RPS6KC1: variants seen among roughly 807,000 people sequenced by gnomAD.
RPS6KC1 encodes the protein ribosomal protein S6 kinase C1.
Under a neutral mutation model 103.8 loss-of-function variants are expected in RPS6KC1, and 54 were observed. The ratio of observed to expected loss-of-function variants is 0.52; its 90% CI spans 0.42 to 0.65. The LOEUF is 0.65. Ranked by LOEUF, RPS6KC1 falls within the 30% of genes least tolerant of loss-of-function variation. The pLI is 0.00. For synonymous variants in RPS6KC1, 439 were observed against 438.7 expected (o/e 1.00, Z -0.01); for missense variants, 1,151 against 1,253.8 (o/e 0.92, Z 1.24).
chr1:213,319,117 C>T, the RPS6KC1 span, among the ~76,000 whole-genome samples: 1 of 152,060 alleles, frequency 6.6e-6, no homozygotes, highest in Non-Finnish European at 1.5e-5. Context: ...ACCAGCCTGG[C>T]CAACATGGTG....
intron 1 of RPS6KC1, among the ~76,000 whole-genome samples, chr1:213,052,537 C>A (rs534073281): frequency 6.6e-6 from 1 of 152,076 alleles, no homozygotes; most frequent in East Asian, 1.9e-4. Flanking sequence ...AGCAGGCCTT[C>A]AGAATAATTT....
chr1:213,838,662 C>CATGCAAA, the RPS6KC1 span, among the ~76,000 whole-genome samples: 2 of 152,154 alleles, frequency 1.3e-5, no homozygotes, highest in African/African-American at 4.8e-5. Flanking sequence ...AAATGAGAGG[C>CATGCAAA]ATGCAAAATT....
the RPS6KC1 span, among the ~76,000 whole-genome samples, chr1:213,334,117 T>C: frequency 1.3e-5 from 2 of 152,158 alleles, no homozygotes. Context: ...ATAATAACAA[T>C]AGTAGCATTT....
rs567583132 is a variant in RPS6KC1 at position 213,226,696 on chromosome 1, A to G, written c.1045-3801A>G. Among the ~76,000 whole-genome samples, 4 of 152,284 alleles carry G rather than the reference A, an allele frequency of 2.6e-5. 1 individual carries two copies. In the South Asian group the frequency reaches 8.3e-4, roughly 32 times the overall value. On this transcript the variant is annotated intron_variant, in intron 8 of 14. Coordinates refer to ENST00000366960, the MANE Select transcript of RPS6KC1 (RefSeq NM_012424.6). ...TACAATGCTGTATTGAAAGTTACAC[A>G]TGACTTCCTAACTGCCCTAACCAGT...
At chr1:213,454,454 T>C in the RPS6KC1 span, among the ~76,000 whole-genome samples, 41 of 152,368 alleles carry the variant, frequency 2.7e-4, no homozygotes, top group East Asian at 6.4e-3. Flanking sequence ...GGATTAATGT[T>C]CTTTTTCTGT....
the RPS6KC1 span, among the ~76,000 whole-genome samples, chr1:213,289,318 T>C: frequency 7.1e-6 from 1 of 141,046 alleles, no homozygotes; most frequent in African/African-American, 2.6e-5. Context: ...GGACCTGGAA[T>C]GGAGATGATT....
the RPS6KC1 span, among the ~76,000 whole-genome samples, chr1:213,293,489 C>G: frequency 6.6e-6 from 1 of 152,102 alleles, no homozygotes; most frequent in Non-Finnish European, 1.5e-5. Context: ...GAAATCAAAG[C>G]TTTTTGAGAC....
chr1:213,360,715 G>A, the RPS6KC1 span, among the ~76,000 whole-genome samples: 3 of 152,130 alleles, frequency 2.0e-5, no homozygotes, highest in Non-Finnish European at 2.9e-5. Flanking sequence ...TTTGATGATG[G>A]TGATGTGCAG....
At chr1:213,109,469 A>G (rs1270196276) in intron 4 of RPS6KC1, among the ~76,000 whole-genome samples, 3 of 152,192 alleles carry the variant, frequency 2.0e-5, no homozygotes, top group African/African-American at 2.4e-5. Flanking sequence ...GCAATGTTTC[A>G]TAATTTTCAG....
the RPS6KC1 span, among the ~76,000 whole-genome samples, chr1:213,444,744 C>CAAAAAA: frequency 1.1e-4 from 10 of 87,496 alleles, no homozygotes; most frequent in Non-Finnish European, 1.9e-4. Flanking sequence ...AACTCCAACT[C>CAAAAAA]AAAAAAAAAA....
At chr1:213,514,882 C>G in the RPS6KC1 span, among the ~76,000 whole-genome samples, 1 of 152,236 alleles carries the variant, frequency 6.6e-6, no homozygotes, top group African/African-American at 2.4e-5. Context: ...CACATCCTCT[C>G]CAGCACCTGT....
At chr1:213,256,596 T>C (rs964104351) in intron 12 of RPS6KC1, among the ~76,000 whole-genome samples, 13 of 152,068 alleles carry the variant, frequency 8.5e-5, no homozygotes, top group East Asian at 5.8e-4. Context: ...CAAATTTGCA[T>C]TGGGCTGCAT....
chr1:213,099,434 T>G (rs2148728049), intron 3 of RPS6KC1, among the ~76,000 whole-genome samples: 1 of 152,336 alleles, frequency 6.6e-6, no homozygotes, highest in African/African-American at 2.4e-5. Context: ...CAGCATAAAG[T>G]GCAGATACCA....
the RPS6KC1 span, among the ~76,000 whole-genome samples, chr1:213,525,814 G>A: frequency 6.6e-6 from 1 of 152,202 alleles, no homozygotes; most frequent in African/African-American, 2.4e-5. Context: ...CAATGCATGG[G>A]GGCATTGGTT....
chr1:213,354,550 A>T, the RPS6KC1 span, among the ~76,000 whole-genome samples: 1 of 152,238 alleles, frequency 6.6e-6, no homozygotes, highest in Non-Finnish European at 1.5e-5. Flanking sequence ...ATATATAAAG[A>T]AAAGGAATTT....
the RPS6KC1 span, among the ~76,000 whole-genome samples, chr1:213,381,953 T>C: frequency 6.6e-6 from 1 of 152,170 alleles, no homozygotes; most frequent in African/African-American, 2.4e-5. Flanking sequence ...GGCCCCAGAC[T>C]GGTTTTGCAT....
chr1:213,302,277 G>T, the RPS6KC1 span, among the ~76,000 whole-genome samples: 2 of 152,060 alleles, frequency 1.3e-5, no homozygotes, highest in East Asian at 1.9e-4. Context: ...TTTTCACTTG[G>T]CCAGAAGTTG....
At chr1:213,261,498 A>C (rs761947997) in intron 12 of RPS6KC1, 60 bp from the exon 13 acceptor site, 1 of 1,463,100 alleles carries the variant, frequency 6.8e-7, no homozygotes, top group Non-Finnish European at 9.6e-7. Flanking sequence ...AATACATGTT[A>C]ATTTTGAAAG....
At chr1:213,572,945 C>CT in the RPS6KC1 span, among the ~76,000 whole-genome samples, 3 of 151,846 alleles carry the variant, frequency 2.0e-5, no homozygotes, top group Non-Finnish European at 2.9e-5. Flanking sequence ...TTCTCTCTTT[C>CT]TTTTTTTTAA....
Sources: gnomAD v4.1 joint callset for allele counts (sites outside exome capture counted in the v4.1 genomes callset) on GRCh38, gnomAD v4.1.1 for gene constraint, MANE v1.5 for transcripts, NCBI Gene and HGNC (gene_info 2026-07-23, HGNC 2026-07-21) for gene names.